STARD13: variants seen among roughly 807,000 people sequenced by gnomAD.
STARD13 encodes the protein stAR-related lipid transfer protein 13.
Under a neutral mutation model 106.4 loss-of-function variants are expected in STARD13, and 62 were observed. That is an observed-to-expected ratio of 0.58 (90% CI 0.48 to 0.72). The LOEUF is 0.72. Ranked by LOEUF, STARD13 falls within the 30% of genes least tolerant of loss-of-function variation. STARD13 has a pLI of 0.00. For missense variants in STARD13, 1,387 were observed against 1,424.0 expected, an observed-to-expected ratio of 0.97 and a Z score of 0.42; for synonymous variants, 565 against 553.0, an observed-to-expected ratio of 1.02 and a Z score of -0.31.
the STARD13 span, among the ~76,000 whole-genome samples, chr13:33,589,821 G>C: frequency 1.7e-3 from 258 of 152,218 alleles, no homozygotes; most frequent in African/African-American, 5.9e-3. Flanking sequence ...AGGTCTGCTT[G>C]GTGCAGAGCT....
chr13:33,544,778 T>A, the STARD13 span, among the ~76,000 whole-genome samples: 1 of 143,762 alleles, frequency 7.0e-6, no homozygotes, highest in Admixed American at 6.9e-5. Flanking sequence ...CTCTTTTTTT[T>A]TTTTTTTTTT....
chr13:33,563,082 C>T, the STARD13 span, among the ~76,000 whole-genome samples: 7 of 146,350 alleles, frequency 4.8e-5, no homozygotes, highest in South Asian at 1.3e-3. Flanking sequence ...CACTGATGAA[C>T]GAAATTGAAG....
Position 33,110,086 on chromosome 13 carries a change from C to G in STARD13, c.2834G>C (p.Gly945Ala). The G allele has an allele frequency of 6.2e-7, 1 of 1,614,066 alleles. No homozygotes were observed. The highest frequency in any genetic ancestry group is 8.5e-7 in the Non-Finnish European group (1 of 1,179,988). The change falls in exon 12 of 14, where the codon GGC becomes GCC. Residue 945 changes from glycine to alanine, a missense_variant. Gly to Ala is a moderately conservative substitution (Grantham distance 60). Transcript: ENST00000336934. Reference sequence around the variant, plus strand: ...CCACAGCTTCAGCGGGTTCCCGTCGCCCACCTTGGGAAAGACAACGTCAGA... The same window carrying G: ...CCACAGCTTCAGCGGGTTCCCGTCGGCCACCTTGGGAAAGACAACGTCAGA... Reference protein sequence around the residue: ...DNTDLAFKKVGDGNPLKLWKA... With the variant: ...DNTDLAFKKVADGNPLKLWKA...
intron 1 of STARD13, among the ~76,000 whole-genome samples, chr13:33,301,568 CTTTTTTTTTTTT>C (rs11393186): frequency 1.4e-5 from 1 of 72,080 alleles, no homozygotes; most frequent in Admixed American, 1.5e-4. Context: ...CTTTTTTTTT[CTTTTTTTTTTTT>C]TTTTTGAGAC....
Position 33,129,285 on chromosome 13 carries a change from G to A in STARD13, c.1392C>T (p.Gly464=), listed in dbSNP as rs145582279. ...CTCCTGTGCTGGCATACAGATGGGA[G>A]CCAGGGACATTGTCATAGATACTGA... ...SRVSIYDNVP[G]SHLYASTGDL... Residue 464 remains glycine (G), a synonymous_variant, in exon 5 of 14, where the codon GGC becomes GGT. Transcript: ENST00000336934. 1 of 1,614,182 alleles carries A rather than the reference G, an allele frequency of 6.2e-7. No homozygotes were observed. Among genetic ancestry groups the A allele is most frequent in the Admixed American group, 1.7e-5 (1 of 60,030 alleles).
intron 1 of STARD13, among the ~76,000 whole-genome samples, chr13:33,212,589 T>C (rs2138142605): frequency 6.6e-6 from 1 of 152,296 alleles, no homozygotes; most frequent in Admixed American, 6.5e-5. Flanking sequence ...TCTGGGACTT[T>C]CCAGTCTCTA....
the STARD13 span, among the ~76,000 whole-genome samples, chr13:33,443,823 G>A: frequency 6.7e-6 from 1 of 148,998 alleles, no homozygotes; most frequent in Non-Finnish European, 1.5e-5. Flanking sequence ...GATGGAGGCT[G>A]CAGTGAGCTG....
the STARD13 span, among the ~76,000 whole-genome samples, chr13:33,598,766 T>C: frequency 6.6e-5 from 10 of 152,232 alleles, no homozygotes; most frequent in African/African-American, 2.4e-4. Context: ...ACAAATCCCT[T>C]AGCTCCTAAA....
intron 1 of STARD13, among the ~76,000 whole-genome samples, chr13:33,210,190 G>C (rs1887643626): frequency 6.6e-6 from 1 of 152,214 alleles, no homozygotes; most frequent in African/African-American, 2.4e-5. Flanking sequence ...GCTCTGCAGA[G>C]GGGAGAGCAC....
At chr13:33,194,031 C>T (rs1405711785) in intron 1 of STARD13, among the ~76,000 whole-genome samples, 6 of 152,016 alleles carry the variant, frequency 3.9e-5, no homozygotes, top group Non-Finnish European at 8.8e-5. Context: ...ACAAACTAGT[C>T]CAGAATGATC....
rs548139142 is a variant in STARD13, at chr13:33,127,468, C to T, written c.1827G>A (p.Thr609=). 56 of 1,598,358 alleles carry T rather than the reference C, an allele frequency of 3.5e-5. 1 individual carries two copies. The highest frequency in any genetic ancestry group is 2.5e-4 in the East Asian group (11 of 44,470). ...GCTGGAGCAGGCTCAGCTGGCTGGC[C>T]GTCTGGCTGCTGATGTGGGGCGATG... ...APASPHISSQ[T]ASQLSLLQRF... Residue 609 remains threonine, a synonymous_variant, in exon 6 of 14, where the codon ACG becomes ACA. Transcript: ENST00000336934.
chr13:33,389,638 T>G, the STARD13 span, among the ~76,000 whole-genome samples: 1 of 152,322 alleles, frequency 6.6e-6, no homozygotes, highest in Middle Eastern at 3.4e-3. Context: ...TTAATTATTC[T>G]TATAGTCACA....
At chr13:33,183,876 C>G (rs7320932) in intron 1 of STARD13, among the ~76,000 whole-genome samples, 1 of 152,184 alleles carries the variant, frequency 6.6e-6, no homozygotes, top group Non-Finnish European at 1.5e-5. Flanking sequence ...AATCATCCAG[C>G]CAGTCCAAGA....
the STARD13 span, among the ~76,000 whole-genome samples, chr13:33,533,072 T>C: frequency 6.6e-6 from 1 of 152,152 alleles, no homozygotes; most frequent in Non-Finnish European, 1.5e-5. Flanking sequence ...AATCCGAGAA[T>C]TGTGTCACTG....
the STARD13 span, among the ~76,000 whole-genome samples, chr13:33,646,671 CAA>C: frequency 8.6e-5 from 13 of 151,550 alleles, no homozygotes; most frequent in African/African-American, 2.9e-4. Context: ...AAATCACACA[CAA>C]GTTTGACTTT....
the STARD13 span, among the ~76,000 whole-genome samples, chr13:33,382,935 C>G: frequency 1.3e-5 from 2 of 152,174 alleles, no homozygotes; most frequent in South Asian, 4.1e-4. Context: ...TCCATGATAT[C>G]TAGCTTCCAG....
the STARD13 span, among the ~76,000 whole-genome samples, chr13:33,597,430 A>T: frequency 1.3e-5 from 2 of 151,772 alleles, no homozygotes; most frequent in Non-Finnish European, 1.5e-5. Flanking sequence ...ATTACTAATC[A>T]TTACTCTAAT....
chr13:33,661,721 C>A, the STARD13 span, among the ~76,000 whole-genome samples: 2 of 152,086 alleles, frequency 1.3e-5, no homozygotes, highest in Non-Finnish European at 2.9e-5. Context: ...AAACCGCCCC[C>A]ATGATTGAAT....
At chr13:33,528,243 C>CATATATATATACATATATATGTATATAT in the STARD13 span, among the ~76,000 whole-genome samples, 4 of 93,482 alleles carry the variant, frequency 4.3e-5, no homozygotes, top group African/African-American at 1.9e-4. Flanking sequence ...TATATATATA[C>CATATATATATACATATATATGTATATAT]ATATATATAT....
Sources: gnomAD v4.1 joint callset for allele counts (sites outside exome capture counted in the v4.1 genomes callset) on GRCh38, gnomAD v4.1.1 for gene constraint, MANE v1.5 for transcripts, NCBI Gene and HGNC (gene_info 2026-07-23, HGNC 2026-07-21) for gene names.